SHANK2: variants seen among roughly 807,000 people sequenced by gnomAD.
The protein encoded by SHANK2 is SH3 and multiple ankyrin repeat domains 2.
SHANK2 carries 43 observed loss-of-function variants against 133.7 expected under a neutral mutation model. The observed-to-expected ratio is 0.32, with a 90% CI of 0.25 to 0.41. The LOEUF is 0.41. Ranked by LOEUF, SHANK2 falls within the 10% of genes least tolerant of loss-of-function variation. The probability of loss-of-function intolerance (pLI) is 1.00; values close to 1 mark genes in which losing one functional copy is unlikely to be tolerated. For missense variants in SHANK2, 1,994 were observed against 2,235.8 expected (o/e 0.89, Z 2.18); for synonymous variants, 1,017 against 952.8 (o/e 1.07, Z -1.24).
chr11:70,500,544 T>C lies in SHANK2; in HGVS notation c.2308+26A>G, dbSNP rs1555158169. On this transcript the variant is annotated intron_variant, in intron 21 of 25. Transcript: ENST00000601538. This position sits in a 1 kb window ranked among gnomAD's most constrained non-coding sequence, Gnocchi z 4.5. Reference sequence around the variant, plus strand: ...CACAGGGGGGTGATGGGCAGGGGGCTGAGACAGACACTGGGCCTCCCTTAC... The same window carrying C: ...CACAGGGGGGTGATGGGCAGGGGGCCGAGACAGACACTGGGCCTCCCTTAC... 1 of 1,598,120 alleles carries C rather than the reference T, an allele frequency of 6.3e-7. No individual in the cohort carries two copies. The highest frequency in any genetic ancestry group is 1.3e-5 in the African/African-American group (1 of 74,698).
At chr11:70,568,348 C>T (rs2059994313) in intron 17 of SHANK2, among the ~76,000 whole-genome samples, 1 of 152,246 alleles carries the variant, frequency 6.6e-6, no homozygotes. Context: ...CAGTGCCTCA[C>T]TCGGTGGGTG....
At chr11:70,525,614 G>C (rs1372736165) in intron 17 of SHANK2, among the ~76,000 whole-genome samples, 1 of 152,116 alleles carries the variant, frequency 6.6e-6, no homozygotes, top group Non-Finnish European at 1.5e-5. Context: ...ATCAGAACAG[G>C]AGCGAACAGG....
chr11:70,636,381 CTG>C lies in SHANK2; in HGVS notation c.2061+23445_2061+23446del, dbSNP rs375249242. 5.7e-3 allele frequency among the ~76,000 whole-genome samples: 697 copies of C among 123,220 alleles called. 3 individuals are homozygous for C. The highest frequency in any genetic ancestry group is 0.017 in the African/African-American group (631 of 36,664). 80.8% of individuals were successfully genotyped at this position (123,220 alleles called of 152,430 possible). On this transcript the variant is annotated intron_variant, in intron 17 of 25. Transcript: ENST00000601538. ...TGCATATGTGTGTATGAATGTGAGT[CTG>C]TGTGTATGAGTGTGTATGCGAGCAT...
chr11:70,628,409 C>A (rs2060933488), intron 17 of SHANK2, among the ~76,000 whole-genome samples: 1 of 152,116 alleles, frequency 6.6e-6, no homozygotes. Flanking sequence ...ACACATGTGC[C>A]CCCCTCTGTC....
At chr11:70,908,827 C>A (rs572507221) in intron 10 of SHANK2, among the ~76,000 whole-genome samples, 1 of 152,148 alleles carries the variant, frequency 6.6e-6, no homozygotes, top group South Asian at 2.1e-4. Context: ...CGTCAAACCG[C>A]GACCCAACTG....
chr11:70,657,989 G>A (rs2061424265), intron 17 of SHANK2, among the ~76,000 whole-genome samples: 1 of 152,154 alleles, frequency 6.6e-6, no homozygotes, highest in Non-Finnish European at 1.5e-5. Context: ...GCCTCAGCAG[G>A]CCACGTTTCT....
chr11:71,157,917 C>A (rs782655572), intron 2 of SHANK2, among the ~76,000 whole-genome samples: 1 of 152,176 alleles, frequency 6.6e-6, no homozygotes, highest in Non-Finnish European at 1.5e-5. Flanking sequence ...TGGGACACTG[C>A]CCCTGTGTGC....
chr11:71,169,768 A>AG (rs1953272272), intron 2 of SHANK2, among the ~76,000 whole-genome samples: 1 of 151,960 alleles, frequency 6.6e-6, no homozygotes, highest in African/African-American at 2.4e-5. Context: ...AAAAAAAAAA[A>AG]AAAAAGAGAA....
At chr11:71,118,053 G>A (rs1225842967) in intron 4 of SHANK2, among the ~76,000 whole-genome samples, 1 of 152,068 alleles carries the variant, frequency 6.6e-6, no homozygotes, top group Non-Finnish European at 1.5e-5. Flanking sequence ...GGTGGAGAAG[G>A]AAAATACACC....
intron 17 of SHANK2, among the ~76,000 whole-genome samples, chr11:70,583,654 T>C (rs142121619): frequency 3.9e-5 from 6 of 152,234 alleles, no homozygotes; most frequent in East Asian, 1.9e-4. Context: ...GCCCCCTCCA[T>C]CTTGAGTGGC....
Position 70,817,685 on chromosome 11 carries a change from G to A in SHANK2, c.1493+2679C>T, listed in dbSNP as rs117953267. Among the ~76,000 whole-genome samples, 389 of 152,274 alleles carry A rather than the reference G, an allele frequency of 2.6e-3. 7 individuals carry two copies. The highest frequency in any genetic ancestry group is 0.016 in the East Asian group (84 of 5,188). The stretch of plus-strand genomic sequence containing the variant: ...GGCTGGACAAGGTGCTGTGGGAGGC[G>A]GCCACCCTGAACGCCTTCAGCTGAT... On this transcript the variant is annotated intron_variant, in intron 12 of 25. Transcript: ENST00000601538.
At chr11:70,918,650 C>T (rs951208431) in intron 10 of SHANK2, among the ~76,000 whole-genome samples, 12 of 151,992 alleles carry the variant, frequency 7.9e-5, no homozygotes, top group Admixed American at 3.3e-4. Context: ...GGACTACAGG[C>T]GCCCACAACT....
At chr11:70,577,971 C>G (rs1172269655) in intron 17 of SHANK2, among the ~76,000 whole-genome samples, 1 of 152,148 alleles carries the variant, frequency 6.6e-6, no homozygotes, top group African/African-American at 2.4e-5. Flanking sequence ...TGAATGCGAG[C>G]CCAGGAGAGA....
At chr11:70,524,134 A>G (rs565328178) in intron 17 of SHANK2, among the ~76,000 whole-genome samples, 3 of 152,306 alleles carry the variant, frequency 2.0e-5, no homozygotes, top group Admixed American at 2.0e-4. Flanking sequence ...CCAGGTGGCG[A>G]CGGGATCCCA....
intron 1 of SHANK2, among the ~76,000 whole-genome samples, chr11:71,225,494 A>G (rs1250871685): frequency 6.6e-6 from 1 of 152,138 alleles, no homozygotes; most frequent in East Asian, 1.9e-4. Context: ...ACCCCTTTCC[A>G]CCTTCCCTTG....
intron 15 of SHANK2, 150 bp downstream of exon 15, chr11:70,698,538 T>C (rs1382841286): frequency 4.6e-6 from 3 of 657,936 alleles, no homozygotes; most frequent in Non-Finnish European, 8.3e-6. Context: ...CTCCAGGAGA[T>C]GGTGGCTTCC....
intron 11 of SHANK2, chr11:70,863,140 G>C: frequency 8.3e-6 from 3 of 359,986 alleles, no homozygotes; most frequent in South Asian, 6.2e-5. Flanking sequence ...CACATTCCAG[G>C]GACAAATCTC....
intron 17 of SHANK2, among the ~76,000 whole-genome samples, chr11:70,574,793 C>T (rs934189147): frequency 2.6e-5 from 4 of 152,242 alleles, no homozygotes; most frequent in East Asian, 3.9e-4. Flanking sequence ...TGCTGTAGTG[C>T]GAGGACACCC....
At chr11:70,945,863 GC>G (rs1189139897) in intron 10 of SHANK2, among the ~76,000 whole-genome samples, 1 of 152,046 alleles carries the variant, frequency 6.6e-6, no homozygotes, top group Admixed American at 6.6e-5. Context: ...TGGATCTACA[GC>G]CCTTGGTGGG....
Sources: gnomAD v4.1 joint callset for allele counts (sites outside exome capture counted in the v4.1 genomes callset) on GRCh38, gnomAD v4.1.1 for gene constraint, Gnocchi (gnomAD v3.1) non-coding constraint, MANE v1.5 for transcripts, NCBI Gene and HGNC (gene_info 2026-07-23, HGNC 2026-07-21) for gene names.